Variants in COPS3 observed in about 807,000 individuals in gnomAD.
COPS3 encodes the protein COP9 signalosome complex subunit 3.
In COPS3, 10 loss-of-function variants were observed where a neutral mutation model predicts 58.2. That is an observed-to-expected ratio of 0.17 (90% confidence interval 0.11 to 0.29). The LOEUF is 0.29. Among genes scored for constraint, COPS3 ranks in the 10% least tolerant of loss-of-function variants. COPS3 has a pLI of 1.00. For synonymous variants in COPS3, 187 were observed against 181.7 expected (o/e 1.03, Z -0.24); for missense variants, 333 against 510.1 (o/e 0.65, Z 3.34).
chr17:17,260,324 T>C lies in COPS3; in HGVS notation c.913A>G (p.Lys305Glu). 1 of 1,614,060 alleles carries C rather than the reference T, an allele frequency of 6.2e-7. No individual in the cohort carries two copies. The highest frequency in any genetic ancestry group is 8.5e-7 in the Non-Finnish European group (1 of 1,179,954). The change falls in exon 8 of 12, where the codon AAG becomes GAG. Residue 305 changes from lysine (K) to glutamate (E), a missense_variant. By Grantham distance (56) the Lys-to-Glu change is moderately conservative. Coordinates refer to ENST00000268717, the MANE Select transcript of COPS3 (RefSeq NM_003653.4). ...ACCTTTGTTAGCCTCTGAATATTCT[T>C]CTTATAAAGAGATGACAAGCATTGC... is the stretch of plus-strand genomic sequence containing the variant. ...VKQCLSSLYKKNIQRLTKTFL... is the reference protein window; with the variant it reads ...VKQCLSSLYKENIQRLTKTFL...
At chr17:17,280,559 G>T in intron 1 of COPS3, 1 of 1,267,902 alleles carries the variant, frequency 7.9e-7, no homozygotes, top group Non-Finnish European at 1.0e-6. Flanking sequence ...CAAAGAAGAA[G>T]AAATGGAGTC....
At chr17:17,274,722 C>T (rs1359366570) in intron 2 of COPS3, among the ~76,000 whole-genome samples, 3 of 150,924 alleles carry the variant, frequency 2.0e-5, no homozygotes, top group South Asian at 4.2e-4. Flanking sequence ...TGTGTCTGGC[C>T]TAATTTTTCT....
At chr17:17,280,733 G>C (rs1294280878) in intron 1 of COPS3, 4 of 1,245,278 alleles carry the variant, frequency 3.2e-6, no homozygotes, top group South Asian at 2.7e-5. Context: ...TAGTCAGCAA[G>C]CTGCGGATCG....
At chr17:17,266,326 A>G (rs2048220151) in intron 5 of COPS3, among the ~76,000 whole-genome samples, 1 of 152,242 alleles carries the variant, frequency 6.6e-6, no homozygotes, top group Admixed American at 6.5e-5. Context: ...AAAAAATGAG[A>G]AAATATATAT....
chr17:17,248,290 A>G (rs904757072), intron 10 of COPS3, among the ~76,000 whole-genome samples: 7 of 152,134 alleles, frequency 4.6e-5, no homozygotes, highest in African/African-American at 1.7e-4. Flanking sequence ...CTAACCCACC[A>G]TTTATTTACA....
chr17:17,275,992 C>A, intron 2 of COPS3, 43 bp downstream of exon 2: 5 of 1,559,176 alleles, frequency 3.2e-6, no homozygotes, highest in African/African-American at 1.4e-5. Context: ...GCACAGTGTT[C>A]CATTTTAACA....
intron 2 of COPS3, among the ~76,000 whole-genome samples, chr17:17,272,837 G>A (rs1295327389): frequency 2.0e-5 from 3 of 152,126 alleles, no homozygotes; most frequent in Non-Finnish European, 4.4e-5. Flanking sequence ...AGAAGTTCAA[G>A]GCTTCAGTAA....
intron 4 of COPS3, among the ~76,000 whole-genome samples, chr17:17,269,077 C>T (rs552573378): frequency 6.6e-6 from 1 of 152,182 alleles, no homozygotes; most frequent in South Asian, 2.1e-4. Context: ...GTAATCTCAG[C>T]CCTTTGGGAG....
Position 17,248,935 on chromosome 17 carries a change from A to G in COPS3, c.1128T>C (p.Ile376=). The G allele has an allele frequency of 6.3e-7, 1 of 1,577,754 alleles. No homozygotes were observed. ...TGGCATTCATGTTTACCTCCTGATCAATGTTATGAAGCATGGCTGGGTTAT... is the reference window on the plus strand; with the variant it reads ...TGGCATTCATGTTTACCTCCTGATCGATGTTATGAAGCATGGCTGGGTTAT... ...KYNNPAMLHN[I]DQEMLKCIEL... is the part of the protein sequence containing the mutation. The change falls in exon 10 of 12, where the codon ATT becomes ATC. Residue 376 remains isoleucine, a synonymous_variant. Coordinates refer to ENST00000268717, the MANE Select transcript of COPS3 (RefSeq NM_003653.4).
chr17:17,271,373 G>A (rs1330134675), intron 2 of COPS3, among the ~76,000 whole-genome samples: 2 of 152,060 alleles, frequency 1.3e-5, no homozygotes, highest in Non-Finnish European at 2.9e-5. Flanking sequence ...AGGCTGCAGT[G>A]AGCTATGATC....
chr17:17,268,908 C>A (rs1451161065), intron 4 of COPS3, among the ~76,000 whole-genome samples: 1 of 152,100 alleles, frequency 6.6e-6, no homozygotes, highest in Non-Finnish European at 1.5e-5. Context: ...ACAGCTTTTT[C>A]AAAAACTCAT....
Position 17,249,031 on chromosome 17 carries a change from A to G in COPS3, c.1032T>C (p.Asp344=). The G allele has an allele frequency of 6.3e-7, 1 of 1,580,754 alleles. No homozygotes were observed. Among genetic ancestry groups the G allele is most frequent in the South Asian group, 1.2e-5 (1 of 86,098 alleles). Residue 344 remains aspartate, a synonymous_variant, in exon 10 of 12, where the codon GAT becomes GAC. Transcript: ENST00000268717. ...GGTTAATACTTGCAAAAATCTCACC[A>G]TCTTCTATCTGCAGAAAGAAAAAAA... ...AEKYVLHMIE[D]GEIFASINQK...
intron 7 of COPS3, chr17:17,261,686 T>A (rs1323386687): frequency 2.3e-6 from 1 of 432,960 alleles, no homozygotes; most frequent in Non-Finnish European, 4.3e-6. Flanking sequence ...ATAGCGAGAC[T>A]CTGTCTCTAG....
intron 6 of COPS3, among the ~76,000 whole-genome samples, chr17:17,263,332 C>T (rs1417753639): frequency 6.6e-6 from 1 of 151,326 alleles, no homozygotes; most frequent in African/African-American, 2.4e-5. Context: ...TCCTGAGTAG[C>T]TGGGATTACA....
Position 17,276,101 on chromosome 17 carries a change from G to A in COPS3, c.119C>T (p.Ser40Phe). The change falls in exon 2 of 12, where the codon TCC becomes TTC. Residue 40 changes from serine to phenylalanine, a missense_variant. Physicochemically the swap from Ser to Phe is radical, Grantham distance 155. Transcript: ENST00000268717. ...KSGELLAKNL[S>F]HLDTVLGALD... ...AGCCCCGAGCACAGTGTCCAGATGG[G>A]ATAAGTTCTTCGCAAGGAGTTCCCC... 6.2e-7 allele frequency: 1 copy of A among 1,614,122 alleles called. No homozygotes were observed. The highest frequency in any genetic ancestry group is 8.5e-7 in the Non-Finnish European group (1 of 1,179,996).
chr17:17,257,745 C>G (rs933267862), intron 8 of COPS3, among the ~76,000 whole-genome samples: 3 of 141,118 alleles, frequency 2.1e-5, no homozygotes, highest in Non-Finnish European at 4.6e-5. Flanking sequence ...TGCAGTGAGC[C>G]GAGATCGAGC....
chr17:17,280,568 T>C, intron 1 of COPS3: 17 of 1,267,510 alleles, frequency 1.3e-5, no homozygotes, highest in Non-Finnish European at 1.6e-5. Context: ...AGAAATGGAG[T>C]CCTACGAGCG....
intron 1 of COPS3, among the ~76,000 whole-genome samples, chr17:17,277,985 T>G (rs1036366695): frequency 7.9e-5 from 12 of 151,958 alleles, no homozygotes; most frequent in African/African-American, 2.9e-4. Context: ...AATACAAAAA[T>G]TAGCTGGGTG....
intron 9 of COPS3, among the ~76,000 whole-genome samples, chr17:17,252,003 A>C (rs1171723289): frequency 6.6e-6 from 1 of 151,832 alleles, no homozygotes; most frequent in Non-Finnish European, 1.5e-5. Context: ...TGGGAGGTGG[A>C]GCTTGCAGTG....
Sources: gnomAD v4.1 joint callset for allele counts (sites outside exome capture counted in the v4.1 genomes callset) on GRCh38, gnomAD v4.1.1 for gene constraint, MANE v1.5 for transcripts, NCBI Gene and HGNC (gene_info 2026-07-23, HGNC 2026-07-21) for gene names.